Variants in PSMC3 observed in about 807,000 individuals in gnomAD.
PSMC3 encodes the protein 26S proteasome regulatory subunit 6A.
In PSMC3, 11 loss-of-function variants were observed where a neutral mutation model predicts 52.0. The observed-to-expected ratio is 0.21, with a 90% confidence interval of 0.13 to 0.35. The LOEUF is 0.35. Ranked by LOEUF, PSMC3 falls within the 10% of genes least tolerant of loss-of-function variation. The probability of loss-of-function intolerance (pLI) is 1.00; values close to 1 mark genes in which losing one functional copy is unlikely to be tolerated. For synonymous variants in PSMC3, 201 were observed against 218.8 expected (o/e 0.92, Z 0.72); for missense variants, 238 against 567.1 (o/e 0.42, Z 5.89).
intron 10 of PSMC3, among the ~76,000 whole-genome samples, chr11:47,419,716 G>A (rs372169327): frequency 3.2e-4 from 48 of 152,142 alleles, no homozygotes; most frequent in African/African-American, 1.0e-3. Context: ...AAAATTAGCC[G>A]GGCGTGGTGG....
intron 2 of PSMC3, chr11:47,425,594 TA>T (rs1018146564): frequency 5.6e-6 from 3 of 536,276 alleles, no homozygotes; most frequent in Non-Finnish European, 9.9e-6. Flanking sequence ...GGCATTTTAC[TA>T]AAAGAAGGAT....
In PSMC3 at chr11:47,424,353, C is replaced by G. The variant is rs968465027; in HGVS notation, c.453+76G>C. On this transcript the variant is annotated intron_variant, in intron 5 of 11. Transcript: ENST00000298852. The surrounding 1 kb of genome is among the most constrained non-coding windows in gnomAD (Gnocchi z 4.8). ...GAGCTGTTCTGCCAAGATTCAGAGC[C>G]AACAGTGACCTGGGGCGGGTACAGG... 9.5e-6 allele frequency: 15 copies of G among 1,573,400 alleles called. No individual in the cohort carries two copies. Among genetic ancestry groups the G allele is most frequent in the Non-Finnish European group, 1.3e-5 (15 of 1,144,150 alleles).
intron 6 of PSMC3, among the ~76,000 whole-genome samples, chr11:47,423,281 G>A (rs929754236): frequency 3.3e-5 from 5 of 151,962 alleles, no homozygotes; most frequent in Admixed American, 2.0e-4. Context: ...GGTGCCTGTA[G>A]TCCCAGCTAC....
intron 10 of PSMC3, 87 bp downstream of exon 10, chr11:47,420,177 C>T (rs2096038727): frequency 6.6e-7 from 1 of 1,511,524 alleles, no homozygotes; most frequent in Non-Finnish European, 9.1e-7. Flanking sequence ...GTCGTGGAGG[C>T]TGGGGAAGAT....
intron 6 of PSMC3, 50 bp from the exon 7 acceptor site, chr11:47,423,023 C>G: frequency 1.3e-6 from 2 of 1,536,184 alleles, no homozygotes; most frequent in Non-Finnish European, 1.8e-6. Flanking sequence ...AGGGCTTCTA[C>G]AGCCCAACCC....
rs1595892746 is a variant in PSMC3, at chr11:47,424,720, G to GA, written c.286-10dup. 1.3e-6 allele frequency: 2 copies of GA among 1,594,538 alleles called. No homozygotes were observed. Among genetic ancestry groups the GA allele is most frequent in the Non-Finnish European group, 1.7e-6 (2 of 1,163,798 alleles). ...GGATCAACATCCAGGAGCTGGGAAG[G>GA]AAAAAATACTCAGCTCCTTGAACTC... On this transcript the variant is annotated splice_polypyrimidine_tract_variant and intron_variant, in intron 3 of 11. Transcript: ENST00000298852. The surrounding 1 kb of genome is among the most constrained non-coding windows in gnomAD (Gnocchi z 4.8).
At chr11:47,420,863 G>A (rs1342927053) in intron 8 of PSMC3, 136 bp from the exon 9 acceptor site, 1 of 664,112 alleles carries the variant, frequency 1.5e-6, no homozygotes, top group African/African-American at 1.8e-5. Context: ...CCCCAGCCCA[G>A]GGACTGGCAC....
Position 47,422,779 on chromosome 11 carries a change from T to C in PSMC3, c.735+51A>G, listed in dbSNP as rs2096042132. The C allele has an allele frequency of 6.2e-7, 1 of 1,607,728 alleles. No homozygotes were observed. The highest frequency in any genetic ancestry group is 1.7e-5 in the Admixed American group (1 of 59,770). On this transcript the variant is annotated intron_variant, in intron 7 of 11. Transcript: ENST00000298852. The surrounding 1 kb of genome is among the most constrained non-coding windows in gnomAD (Gnocchi z 4.3). ...AGGCAGACCCTTTGAGCCCATCTGGTAGAGTTTCTGCTCCTGCCCACTTCC... is the reference window on the plus strand; with the variant it reads ...AGGCAGACCCTTTGAGCCCATCTGGCAGAGTTTCTGCTCCTGCCCACTTCC...
chr11:47,423,561 C>T (rs981300772), intron 6 of PSMC3, among the ~76,000 whole-genome samples: 6 of 152,060 alleles, frequency 3.9e-5, no homozygotes, highest in East Asian at 1.9e-4. Flanking sequence ...CCAAGGCACG[C>T]GGATCACCTG....
chr11:47,425,371 T>G, intron 2 of PSMC3, 125 bp from the exon 3 acceptor site: 2 of 1,213,104 alleles, frequency 1.6e-6, no homozygotes, highest in Non-Finnish European at 2.4e-6. Context: ...GCTCTGAGGC[T>G]CTCTGAAGGC....
rs1308530668 is a variant in PSMC3, at chr11:47,423,042, T to C, written c.592-69A>G. 7 of 1,459,728 alleles carry C rather than the reference T, an allele frequency of 4.8e-6. No homozygotes were observed. In the African/African-American group the frequency reaches 9.9e-5, roughly 21 times the overall value. 90.4% of individuals were successfully genotyped at this position (1,459,728 alleles called of 1,614,324 possible). On this transcript the variant is annotated intron_variant, in intron 6 of 11. Coordinates refer to ENST00000298852, the MANE Select transcript of PSMC3 (RefSeq NM_002804.5). ...CTTCTACAGCCCAACCCTTCATGGC[T>C]CCAACCCCAATCTGCATCCCTCCTA...
intron 10 of PSMC3, among the ~76,000 whole-genome samples, chr11:47,420,054 G>A (rs1269809561): frequency 6.6e-6 from 1 of 152,120 alleles, no homozygotes; most frequent in Admixed American, 6.6e-5. Context: ...AAGGAGCAGA[G>A]CACCCAGAAT....
At position 47,419,297 on chromosome 11, in the gene PSMC3, G is replaced by A; in HGVS notation, c.1128-100C>T. 4 of 1,298,786 alleles carry A rather than the reference G, an allele frequency of 3.1e-6. No individual in the cohort carries two copies. In the South Asian group the frequency reaches 3.6e-5, roughly 12 times the overall value. 80.5% of individuals were successfully genotyped at this position (1,298,786 alleles called of 1,614,324 possible). On this transcript the variant is annotated intron_variant, in intron 10 of 11. Coordinates refer to ENST00000298852, the MANE Select transcript of PSMC3 (RefSeq NM_002804.5). ...CCCCGTCAAGCAACAAAGTCAAGTTGCCCTGTGATCAGAGGCAAGTCCCTT... is the reference window on the plus strand; with the variant it reads ...CCCCGTCAAGCAACAAAGTCAAGTTACCCTGTGATCAGAGGCAAGTCCCTT...
chr11:47,425,950 G>T lies in PSMC3; in HGVS notation c.76C>A (p.Gln26Lys). ...AGCACCTCCTCCCCAATTCCATCTT[G>T]CTGTAAAAAATTATTTGTTTATTTA... ...KMATVWDEAE[Q>K]DGIGEEVLKM... Residue 26 changes from glutamine (Q) to lysine (K), a missense_variant and splice_region_variant, in exon 2 of 12, where the codon CAA becomes AAA. Physicochemically the swap from Gln to Lys is moderately conservative, Grantham distance 53. This residue lies in a region of PSMC3 where 48 missense variants were observed against 63.4 expected (regional missense o/e 0.76). Coordinates refer to ENST00000298852, the MANE Select transcript of PSMC3 (RefSeq NM_002804.5). 6.2e-7 allele frequency: 1 copy of T among 1,611,738 alleles called. No individual in the cohort carries two copies. Among genetic ancestry groups the T allele is most frequent in the Non-Finnish European group, 8.5e-7 (1 of 1,177,924 alleles).
At chr11:47,425,027 C>A in intron 3 of PSMC3, 94 bp downstream of exon 3, 1 of 1,561,844 alleles carries the variant, frequency 6.4e-7, no homozygotes, top group Non-Finnish European at 8.8e-7. Context: ...AGTTTGGCCT[C>A]AATACCTCCA....
rs1474494212 is a variant in PSMC3, at chr11:47,419,751, C to T, written c.1127+513G>A. Among the ~76,000 whole-genome samples, 4 of 151,738 alleles carry T rather than the reference C, an allele frequency of 2.6e-5. No individual in the cohort carries two copies. In the East Asian group the frequency reaches 5.8e-4, roughly 22 times the overall value. On this transcript the variant is annotated intron_variant, in intron 10 of 11. Coordinates refer to ENST00000298852, the MANE Select transcript of PSMC3 (RefSeq NM_002804.5). ...GCGGGCGCCTGTAGTCCCAGCTACT[C>T]GGGAGGCTGAGGCAGGAGAATGGCG... is the stretch of plus-strand genomic sequence containing the variant.
chr11:47,426,251 G>A lies in PSMC3; in HGVS notation c.29C>T (p.Pro10Leu), dbSNP rs1340695170. 5 of 1,558,064 alleles carry A rather than the reference G, an allele frequency of 3.2e-6. No homozygotes were observed. The highest frequency in any genetic ancestry group is 4.3e-6 in the Non-Finnish European group (5 of 1,151,010). The change falls in exon 1 of 12, where the codon CCA becomes CTA. Residue 10 changes from proline to leucine, a missense_variant. Pro to Leu is a moderately conservative substitution (Grantham distance 98). This residue lies in a region of PSMC3 where 48 missense variants were observed against 63.4 expected (regional missense o/e 0.76). Transcript: ENST00000298852. MNLLPNIESPVTRQEKMATV... is the reference protein window; with the variant it reads MNLLPNIESLVTRQEKMATV... ...CGCCATCTTCTCCTGCCGAGTCACT[G>A]GACTCTCAATATTCGGCAGCAGATT...
rs971662802 is a variant in PSMC3, at chr11:47,422,568, C to T, written c.884+6G>A. The T allele has an allele frequency of 6.2e-7, 1 of 1,614,036 alleles. No homozygotes were observed. Among genetic ancestry groups the T allele is most frequent in the Admixed American group, 1.7e-5 (1 of 60,014 alleles). On this transcript the variant is annotated splice_donor_region_variant and intron_variant, in intron 8 of 11. Transcript: ENST00000298852. This position sits in a 1 kb window ranked among gnomAD's most constrained non-coding sequence, Gnocchi z 4.3. ...AGATCGCTAGGGACCCTTGGCCCTC[C>T]CTTACCGCTTGGTGCCGATGGCATC...
At chr11:47,425,655 T>G (rs1027310857) in intron 2 of PSMC3, 2 of 564,764 alleles carry the variant, frequency 3.5e-6, no homozygotes, top group African/African-American at 1.9e-5. Flanking sequence ...ATCTGATAAC[T>G]TCTCATCTCA....
Sources: allele counts gnomAD v4.1 joint callset (sites outside exome capture counted in the v4.1 genomes callset), GRCh38; gene constraint gnomAD v4.1.1; regional missense constraint gnomAD v4.1.1; non-coding constraint Gnocchi (gnomAD v3.1); transcripts MANE v1.5; gene names NCBI Gene and HGNC (gene_info 2026-07-23, HGNC 2026-07-21).